The following ATP1A4 variants were observed in gnomAD, a reference collection of about 807,000 sequenced individuals.
ATP1A4 encodes ATPase Na+/K+ transporting subunit alpha 4.
Under a neutral mutation model 114.3 loss-of-function variants are expected in ATP1A4, and 90 were observed. The ratio of observed to expected loss-of-function variants is 0.79; its 90% CI spans 0.66 to 0.94. The LOEUF is 0.94. Among genes scored for constraint, ATP1A4 ranks in the 40% least tolerant of loss-of-function variants. The pLI, the probability that ATP1A4 is intolerant of heterozygous loss-of-function variation, is 0.00. For missense variants in ATP1A4, 1,222 were observed against 1,313.6 expected (o/e 0.93, Z 1.08); for synonymous variants, 511 against 494.1 (o/e 1.03, Z -0.45).
intron 6 of ATP1A4, among the ~76,000 whole-genome samples, chr1:160,159,835 T>G (rs1571014205): frequency 1.3e-5 from 2 of 152,360 alleles, no homozygotes; most frequent in East Asian, 3.9e-4. Context: ...AGCTTGTGAA[T>G]GGACTATGCT....
chr1:160,168,813 G>A (rs1344035646), intron 10 of ATP1A4, among the ~76,000 whole-genome samples: 2 of 152,118 alleles, frequency 1.3e-5, no homozygotes, highest in Non-Finnish European at 2.9e-5. Context: ...AGGTCTCTTA[G>A]GCCCAAATGG....
At chr1:160,176,369 C>G (rs1041660006) in intron 16 of ATP1A4, 110 bp from the exon 17 acceptor site, 57 of 1,584,630 alleles carry the variant, frequency 3.6e-5, no homozygotes, top group Admixed American at 1.5e-4. Flanking sequence ...TCTCGCACCT[C>G]CTGCAAGATG....
At chr1:160,184,871 T>C (rs773895900) in intron 20 of ATP1A4, among the ~76,000 whole-genome samples, 2 of 152,068 alleles carry the variant, frequency 1.3e-5, no homozygotes, top group Non-Finnish European at 2.9e-5. Flanking sequence ...AACAAAACAA[T>C]ATCCCCATCT....
intron 6 of ATP1A4, among the ~76,000 whole-genome samples, chr1:160,162,931 A>AT (rs1652911161): frequency 1.3e-5 from 2 of 152,342 alleles, no homozygotes; most frequent in East Asian, 3.9e-4. Context: ...AGGCAATAAA[A>AT]TTGGGTATTT....
At chr1:160,166,110 A>G (rs1355325748) in intron 7 of ATP1A4, among the ~76,000 whole-genome samples, 1 of 152,120 alleles carries the variant, frequency 6.6e-6, no homozygotes, top group Non-Finnish European at 1.5e-5. Flanking sequence ...TCTCTACTAA[A>G]AATACAAAAA....
chr1:160,165,368 T>G (rs561278293), intron 7 of ATP1A4, among the ~76,000 whole-genome samples: 1 of 152,246 alleles, frequency 6.6e-6, no homozygotes, highest in East Asian at 1.9e-4. Context: ...TTGACTTACA[T>G]TGCCTTCACA....
At chr1:160,168,693 A>AT (rs934853588) in intron 10 of ATP1A4, among the ~76,000 whole-genome samples, 8 of 151,950 alleles carry the variant, frequency 5.3e-5, no homozygotes, top group African/African-American at 1.4e-4. Context: ...CTCTATATAA[A>AT]TTTTTTTTAA....
At chr1:160,171,118 C>A (rs2101642781) in intron 10 of ATP1A4, 133 bp from the exon 11 acceptor site, 1 of 769,556 alleles carries the variant, frequency 1.3e-6, no homozygotes, top group Non-Finnish European at 2.1e-6. Flanking sequence ...CGAGATGTGA[C>A]TGGGGAGGGG....
intron 17 of ATP1A4, among the ~76,000 whole-genome samples, chr1:160,176,809 A>T (rs1474014111): frequency 6.6e-6 from 1 of 152,262 alleles, no homozygotes; most frequent in East Asian, 1.9e-4. Flanking sequence ...AAATGATAGC[A>T]TCTCCAAGTG....
In ATP1A4 at chr1:160,152,150, A is replaced by G. The variant is rs778394399; in HGVS notation, c.110A>G (p.Lys37Arg). Residue 37 changes from lysine to arginine, a missense_variant, in exon 1 of 22, where the codon AAG (lysine) becomes AGG (arginine). Lys to Arg is a conservative substitution (Grantham distance 26, BLOSUM62 2). Coordinates refer to ENST00000368081, the MANE Select transcript of ATP1A4 (RefSeq NM_144699.4). ...KKKMVKREKQ[K>R]RNMEELKKEV... The stretch of plus-strand genomic sequence containing the variant: ...AAAATGGTGAAGAGGGAAAAACAGA[A>G]GCGCAATATGGAGGAACTGAAGAAG... 4 of 1,613,640 alleles carry G rather than the reference A, an allele frequency of 2.5e-6. No homozygotes were observed. In the Admixed American group the frequency reaches 5.0e-5, roughly 20 times the overall value.
At chr1:160,181,903 GC>G (rs1557809059) in intron 19 of ATP1A4, 26 bp from the exon 20 acceptor site, 1 of 1,613,228 alleles carries the variant, frequency 6.2e-7, no homozygotes, top group South Asian at 1.1e-5. Context: ...CTCCCTCCCC[GC>G]CACACCCATG....
At chr1:160,152,643 A>G (rs1413149976) in intron 1 of ATP1A4, among the ~76,000 whole-genome samples, 1 of 152,114 alleles carries the variant, frequency 6.6e-6, no homozygotes, top group Non-Finnish European at 1.5e-5. Flanking sequence ...CTTTGTCTTT[A>G]ATTGGGCCTT....
chr1:160,175,283 G>T lies in ATP1A4; in HGVS notation c.2311+536G>T, dbSNP rs562417836. On this transcript the variant is annotated intron_variant, in intron 15 of 21. Transcript: ENST00000368081. ...AGAGATCCAGAATTCTGCATTCCAG[G>T]TTCCCTGCTTTCTGCCTGGAGCTAT... is the stretch of plus-strand genomic sequence containing the variant. Among the ~76,000 whole-genome samples, 31 of 152,258 alleles carry T rather than the reference G, an allele frequency of 2.0e-4. 1 individual carries two copies. The South Asian group carries it at 5.8e-3, about 29-fold the overall frequency.
intron 18 of ATP1A4, 26 bp from the exon 19 acceptor site, chr1:160,181,658 G>A: frequency 6.2e-7 from 1 of 1,613,266 alleles, no homozygotes; most frequent in Non-Finnish European, 8.5e-7. Flanking sequence ...TTCTGACACT[G>A]TTTCCTCTCT....
intron 6 of ATP1A4, among the ~76,000 whole-genome samples, chr1:160,161,406 G>T (rs946390575): frequency 1.6e-4 from 24 of 152,182 alleles, no homozygotes; most frequent in African/African-American, 5.8e-4. Context: ...TACATGGAAG[G>T]TGTATGAAGA....
rs1653246909 is a variant in ATP1A4, at chr1:160,171,327, A to T, written c.1568A>T (p.Glu523Val). 6.2e-7 allele frequency: 1 copy of T among 1,614,006 alleles called. No individual in the cohort carries two copies. The highest frequency in any genetic ancestry group is 1.3e-5 in the African/African-American group (1 of 74,960). Residue 523 changes from glutamate (E) to valine (V), a missense_variant, in exon 11 of 22, where the codon GAG becomes GTG. Coordinates refer to ENST00000368081, the MANE Select transcript of ATP1A4 (RefSeq NM_144699.4). ...MMKGAPERIL[E>V]FCSTFLLNGQ... ...AAGGGTGCTCCGGAGAGGATCTTGGAGTTTTGTTCTACCTTTCTTCTGAAT... is the reference window on the plus strand; with the variant it reads ...AAGGGTGCTCCGGAGAGGATCTTGGTGTTTTGTTCTACCTTTCTTCTGAAT...
rs147557247 is a variant in ATP1A4 at position 160,152,152 on chromosome 1, C to G, written c.112C>G (p.Arg38Gly). The change falls in exon 1 of 22, where the codon CGC becomes GGC. Residue 38 changes from arginine (R) to glycine (G), a missense_variant. Transcript: ENST00000368081. ...AATGGTGAAGAGGGAAAAACAGAAG[C>G]GCAATATGGAGGAACTGAAGAAGGA... The part of the protein sequence containing the change: ...KKMVKREKQK[R>G]NMEELKKEVV... 122 of 1,613,764 alleles carry G rather than the reference C, an allele frequency of 7.6e-5. No homozygotes were observed. The highest frequency in any genetic ancestry group is 1.0e-4 in the Non-Finnish European group (118 of 1,179,968).
intron 2 of ATP1A4, 74 bp from the exon 3 acceptor site, chr1:160,154,971 T>G: frequency 2.1e-6 from 3 of 1,424,664 alleles, no homozygotes; most frequent in Non-Finnish European, 3.0e-6. Flanking sequence ...GGGCTCCAAA[T>G]GTCAGGTTCC....
chr1:160,162,652 C>T (rs999123700), intron 6 of ATP1A4, among the ~76,000 whole-genome samples: 5 of 152,292 alleles, frequency 3.3e-5, no homozygotes, highest in African/African-American at 7.2e-5. Context: ...GGAGCCTTCT[C>T]CCACCCCAGT....
Sources: gnomAD v4.1 joint callset for allele counts (sites outside exome capture counted in the v4.1 genomes callset) on GRCh38, gnomAD v4.1.1 for gene constraint, MANE v1.5 for transcripts, NCBI Gene and HGNC (gene_info 2026-07-23, HGNC 2026-07-21) for gene names.